The following CNBD1 variants were observed in gnomAD, a reference collection of about 807,000 sequenced individuals.
CNBD1 encodes cyclic nucleotide binding domain containing 1.
CNBD1 carries 71 observed loss-of-function variants against 54.4 expected under a neutral mutation model. The ratio of observed to expected loss-of-function variants is 1.30; its 90% CI spans 1.08 to 1.59. CNBD1 has a LOEUF of 1.59. Among genes scored for constraint, CNBD1 ranks in the 40% most tolerant of loss-of-function variants. The pLI is 0.00. For missense variants in CNBD1, 659 were observed against 518.0 expected, an observed-to-expected ratio of 1.27 and a Z score of -2.64; for synonymous variants, 182 against 170.7, an observed-to-expected ratio of 1.07 and a Z score of -0.51.
intron 4 of CNBD1, among the ~76,000 whole-genome samples, chr8:87,019,977 G>A (rs1324604893): frequency 1.3e-5 from 2 of 152,080 alleles, no homozygotes; most frequent in Admixed American, 6.5e-5. Flanking sequence ...CCTTAATAAG[G>A]AAGGGAAACA....
intron 4 of CNBD1, among the ~76,000 whole-genome samples, chr8:87,022,693 C>T (rs948633372): frequency 6.6e-6 from 1 of 152,132 alleles, no homozygotes; most frequent in African/African-American, 2.4e-5. Flanking sequence ...TTACTGAAAC[C>T]ATGGTAATGA....
intron 10 of CNBD1, among the ~76,000 whole-genome samples, chr8:87,371,269 T>G (rs1030158694): frequency 2.0e-5 from 3 of 152,038 alleles, no homozygotes; most frequent in Admixed American, 1.3e-4. Flanking sequence ...GTGAGGAAAG[T>G]CATTGGTAGC....
chr8:86,983,303 C>T (rs1448579612), intron 4 of CNBD1, among the ~76,000 whole-genome samples: 9 of 152,120 alleles, frequency 5.9e-5, no homozygotes, highest in Non-Finnish European at 8.8e-5. Context: ...TGATTGAGGC[C>T]GTGTGGAACT....
intron 4 of CNBD1, among the ~76,000 whole-genome samples, chr8:87,033,642 T>A (rs983013860): frequency 6.6e-6 from 1 of 152,184 alleles, no homozygotes; most frequent in African/African-American, 2.4e-5. Flanking sequence ...TGGTGCTCAT[T>A]TATCTTCCTT....
chr8:87,297,999 CAT>C (rs989947627), intron 8 of CNBD1, among the ~76,000 whole-genome samples: 85 of 151,306 alleles, frequency 5.6e-4, no homozygotes, highest in African/African-American at 2.0e-3. Context: ...TTAATATAGA[CAT>C]TAACATATTA....
chr8:87,018,890 A>G (rs1809424421), intron 4 of CNBD1, among the ~76,000 whole-genome samples: 1 of 152,226 alleles, frequency 6.6e-6, no homozygotes, highest in South Asian at 2.1e-4. Context: ...AAAAATGCCT[A>G]AACCGCTGGT....
chr8:87,023,722 T>C (rs1809537465), intron 4 of CNBD1, among the ~76,000 whole-genome samples: 1 of 152,198 alleles, frequency 6.6e-6, no homozygotes, highest in African/African-American at 2.4e-5. Context: ...AACCACTATC[T>C]TAATGAGTGA....
intron 2 of CNBD1, among the ~76,000 whole-genome samples, chr8:87,411,669 T>C (rs1350129373): frequency 6.7e-6 from 1 of 150,332 alleles, no homozygotes; most frequent in Non-Finnish European, 1.5e-5. Context: ...TTTTTTTTTT[T>C]TACAACCATT....
Position 86,931,117 on chromosome 8 carries a change from C to T in CNBD1, c.273-8479C>T, listed in dbSNP as rs571485035. On this transcript the variant is annotated intron_variant, in intron 3 of 10. Transcript: ENST00000518476. The stretch of plus-strand genomic sequence containing the variant: ...TAACAAGAAAGGCATGTGAAAAGAG[C>T]AAAGTCTCCTTACAACTGAGGAGGT... 2.0e-5 allele frequency among the ~76,000 whole-genome samples: 3 copies of T among 152,160 alleles called. No individual in the cohort carries two copies. In the South Asian group the frequency reaches 6.2e-4, roughly 31 times the overall value.
intron 4 of CNBD1, among the ~76,000 whole-genome samples, chr8:87,084,515 T>C (rs920005044): frequency 2.0e-5 from 3 of 152,126 alleles, no homozygotes; most frequent in African/African-American, 7.2e-5. Context: ...TCCCATTGTG[T>C]TTTGATTTGC....
At chr8:87,364,692 C>T (rs571897521) in intron 10 of CNBD1, among the ~76,000 whole-genome samples, 2 of 151,806 alleles carry the variant, frequency 1.3e-5, no homozygotes, top group African/African-American at 2.4e-5. Context: ...CCCCTTTGTG[C>T]ATTCATGTGT....
At chr8:86,931,588 C>T (rs532982069) in intron 3 of CNBD1, among the ~76,000 whole-genome samples, 31 of 152,298 alleles carry the variant, frequency 2.0e-4, no homozygotes, top group Middle Eastern at 6.8e-3. Flanking sequence ...TGTCTGAGGG[C>T]CATGACTAAG....
intron 8 of CNBD1, among the ~76,000 whole-genome samples, chr8:87,332,076 T>C (rs1809845884): frequency 1.3e-5 from 2 of 152,190 alleles, no homozygotes; most frequent in Admixed American, 6.5e-5. Context: ...GGCTGGGCGT[T>C]GGGGCTCATA....
intron 8 of CNBD1, among the ~76,000 whole-genome samples, chr8:87,341,007 C>G (rs975141225): frequency 2.0e-5 from 3 of 152,012 alleles, no homozygotes; most frequent in African/African-American, 4.8e-5. Flanking sequence ...CTATCTATCT[C>G]TTTAATTTTT....
chr8:87,134,580 G>A (rs982218941), intron 4 of CNBD1, among the ~76,000 whole-genome samples: 22 of 106,718 alleles, frequency 2.1e-4, no homozygotes, highest in Admixed American at 4.7e-4. Flanking sequence ...ATTCACCTTT[G>A]TTAATTAGAT....
At chr8:87,225,533 GGATTACATTTATT>G (rs1814463344) in intron 5 of CNBD1, among the ~76,000 whole-genome samples, 1 of 150,714 alleles carries the variant, frequency 6.6e-6, no homozygotes, top group Non-Finnish European at 1.5e-5. Flanking sequence ...TTTATATGCT[GGATTACATTTATT>G]GATTTGCGTA....
At chr8:86,970,825 C>T (rs1323086766) in intron 4 of CNBD1, among the ~76,000 whole-genome samples, 2 of 152,126 alleles carry the variant, frequency 1.3e-5, no homozygotes, top group South Asian at 2.1e-4. Flanking sequence ...TCATTGTTTA[C>T]ACATACCACC....
At chr8:87,379,481 G>T (rs989359950) in intron 10 of CNBD1, among the ~76,000 whole-genome samples, 10 of 151,762 alleles carry the variant, frequency 6.6e-5, no homozygotes, top group African/African-American at 2.2e-4. Flanking sequence ...ATACTGGGAA[G>T]TAAAGCTCTC....
chr8:87,154,175 T>C (rs1047231845), intron 4 of CNBD1, among the ~76,000 whole-genome samples: 1 of 152,162 alleles, frequency 6.6e-6, no homozygotes, highest in Non-Finnish European at 1.5e-5. Flanking sequence ...AAAAGAACGA[T>C]TTTTTAACCT....
Sources: gnomAD v4.1 joint callset for allele counts (sites outside exome capture counted in the v4.1 genomes callset) on GRCh38, gnomAD v4.1.1 for gene constraint, MANE v1.5 for transcripts, NCBI Gene and HGNC (gene_info 2026-07-23, HGNC 2026-07-21) for gene names.